Variants in RFX6 observed in about 807,000 individuals in gnomAD.
RFX6 encodes regulatory factor X6.
In RFX6, 50 loss-of-function variants were observed where a neutral mutation model predicts 110.8. The observed-to-expected ratio is 0.45, with a 90% CI of 0.36 to 0.57. RFX6 has a LOEUF of 0.57. RFX6 is among the 20% of genes least tolerant of loss of function. RFX6 has a pLI of 0.00. For missense variants in RFX6, 990 were observed against 1,127.0 expected, an observed-to-expected ratio of 0.88 and a Z score of 1.74; for synonymous variants, 383 against 411.2, an observed-to-expected ratio of 0.93 and a Z score of 0.83.
chr6:116,916,483 ATG>A (rs1489288513), intron 9 of RFX6, among the ~76,000 whole-genome samples, 169 bp downstream of exon 9: 1 of 152,026 alleles, frequency 6.6e-6, no homozygotes, highest in Non-Finnish European at 1.5e-5. Context: ...TTAATAGTGT[ATG>A]TGTTTTAATT....
intron 3 of RFX6, among the ~76,000 whole-genome samples, chr6:116,881,069 A>T (rs901162149): frequency 6.6e-6 from 1 of 152,032 alleles, no homozygotes; most frequent in Non-Finnish European, 1.5e-5. Flanking sequence ...AATAGGTTTT[A>T]AAATGTATTA....
rs967357668 is a variant in RFX6, at chr6:116,931,951, G to C, written c.*445G>C. The C allele has an allele frequency of 5.9e-6, 1 of 168,406 alleles. No homozygotes were observed. Among genetic ancestry groups the C allele is most frequent in the Non-Finnish European group, 1.3e-5 (1 of 77,922 alleles). The allele number at this position is 168,406 out of a possible 1,614,324, so 10.4% of individuals were successfully genotyped here. On this transcript the variant is annotated 3_prime_UTR_variant, in exon 19 of 19. Transcript: ENST00000332958. ...ATTTGACAAAAAGTCAAATGTGTAT[G>C]TTCTACCTCCAACGGAAATGTTTAC...
intron 3 of RFX6, among the ~76,000 whole-genome samples, chr6:116,881,688 G>A (rs985828410): frequency 6.6e-6 from 1 of 152,000 alleles, no homozygotes; most frequent in Non-Finnish European, 1.5e-5. Context: ...ACCATTTTGT[G>A]AGTCTACCTT....
chr6:116,889,663 C>T (rs778833192), intron 4 of RFX6, among the ~76,000 whole-genome samples: 2 of 152,074 alleles, frequency 1.3e-5, no homozygotes, highest in Non-Finnish European at 2.9e-5. Flanking sequence ...GCAAGTCATC[C>T]TGATAGTAAT....
At position 116,922,097 on chromosome 6, in the gene RFX6, T is replaced by C. The variant is rs7764347; in HGVS notation, c.1383T>C (p.Thr461=). 328,939 of 1,561,946 alleles carry C rather than the reference T, an allele frequency of 0.21. 39,564 individuals are homozygous for C. The highest frequency in any genetic ancestry group is 0.41 in the South Asian group (36,626 of 89,526). Residue 461 remains threonine (T), a synonymous_variant, in exon 13 of 19, where the codon ACT becomes ACC. Transcript: ENST00000332958. ...AGGATCTCCTTAAGAAGAATGCCACTGTGGAGGCTTTTATTGAATGGTTGG... is the reference window on the plus strand; with the variant it reads ...AGGATCTCCTTAAGAAGAATGCCACCGTGGAGGCTTTTATTGAATGGTTGG... ...ELKDLLKKNA[T]VEAFIEWLDT...
At position 116,927,443 on chromosome 6, in the gene RFX6, A is replaced by G. The variant is rs200325481; in HGVS notation, c.2302A>G (p.Asn768Asp). 2.4e-5 allele frequency: 39 copies of G among 1,614,100 alleles called. No homozygotes were observed. The East Asian group carries it at 7.6e-4, about 31-fold the overall frequency. ...GPSLQAQDSHNMQFLNTGSFN... is the reference protein window; with the variant it reads ...GPSLQAQDSHDMQFLNTGSFN... The stretch of plus-strand genomic sequence containing the variant: ...ATCCCTGCAAGCCCAGGATTCACAC[A>G]ATATGCAGTTTTTAAATACAGGAAG... The change falls in exon 17 of 19, where the codon AAT becomes GAT. Residue 768 changes from asparagine (N) to aspartate (D), a missense_variant. Coordinates refer to ENST00000332958, the MANE Select transcript of RFX6 (RefSeq NM_173560.4).
chr6:116,879,501 T>C (rs530574923), intron 2 of RFX6, among the ~76,000 whole-genome samples: 2 of 152,006 alleles, frequency 1.3e-5, no homozygotes, highest in Admixed American at 6.5e-5. Context: ...TTTTTGTTCT[T>C]CATTAAAAAA....
chr6:116,902,839 A>C (rs1582521412), intron 6 of RFX6, among the ~76,000 whole-genome samples: 1 of 152,074 alleles, frequency 6.6e-6, no homozygotes, highest in African/African-American at 2.4e-5. Flanking sequence ...GACTGTTATC[A>C]TACTCTCCTT....
At chr6:116,889,785 T>C (rs911228528) in intron 4 of RFX6, among the ~76,000 whole-genome samples, 2 of 152,152 alleles carry the variant, frequency 1.3e-5, no homozygotes, top group African/African-American at 2.4e-5. Flanking sequence ...TGTGGTGATA[T>C]GTTTAAGTAT....
intron 5 of RFX6, 88 bp from the exon 6 acceptor site, chr6:116,895,092 T>C: frequency 1.4e-6 from 1 of 704,314 alleles, no homozygotes; most frequent in Non-Finnish European, 2.6e-6. Flanking sequence ...TGGTATGAAA[T>C]TACTGCTTCT....
rs1160862269 is a variant in RFX6 at position 116,877,957 on chromosome 6, G to A, written c.380+5G>A. On this transcript the variant is annotated splice_donor_5th_base_variant and intron_variant, in intron 2 of 18. Transcript: ENST00000332958. Reference sequence around the variant, plus strand: ...GACACAGCTCACGCTGCAGTGGTGAGACTCGCCCGCAGGGTACACTGAAGC... The same window carrying A: ...GACACAGCTCACGCTGCAGTGGTGAAACTCGCCCGCAGGGTACACTGAAGC... 3 of 1,613,896 alleles carry A rather than the reference G, an allele frequency of 1.9e-6. No individual in the cohort carries two copies. The highest frequency in any genetic ancestry group is 1.3e-5 in the African/African-American group (1 of 75,044).
intron 12 of RFX6, 131 bp downstream of exon 12, chr6:116,920,585 C>CTGA: frequency 2.6e-6 from 2 of 769,464 alleles, no homozygotes; most frequent in South Asian, 1.4e-5. Flanking sequence ...TGACCTTTAC[C>CTGA]CATTAGATGA....
At chr6:116,921,591 G>A (rs186219464) in intron 12 of RFX6, among the ~76,000 whole-genome samples, 2 of 152,050 alleles carry the variant, frequency 1.3e-5, no homozygotes, top group East Asian at 3.9e-4. Flanking sequence ...GCTGAGGTGG[G>A]AAGATTGCTT....
In RFX6 at chr6:116,925,457, G is replaced by T. The variant is rs370780926; in HGVS notation, c.1683G>T (p.Ala561=). The T allele has an allele frequency of 1.2e-6, 2 of 1,613,226 alleles. No individual in the cohort carries two copies. The highest frequency in any genetic ancestry group is 1.7e-6 in the Non-Finnish European group (2 of 1,179,308). Residue 561 remains alanine (A), a synonymous_variant, in exon 16 of 19, where the codon GCG becomes GCT. Transcript: ENST00000332958. Reference sequence around the variant, plus strand: ...CATTTTAAAAACTCTTTCCAGATGCGAGTAAAGCTGCTTTCACTGCTTCTC... The same window carrying T: ...CATTTTAAAAACTCTTTCCAGATGCTAGTAAAGCTGCTTTCACTGCTTCTC... ...LLDKYMKNSD[A]SKAAFTASPS...
Position 116,931,676 on chromosome 6 carries a change from C to T in RFX6, c.*170C>T. On this transcript the variant is annotated 3_prime_UTR_variant, in exon 19 of 19. Transcript: ENST00000332958. ...ACTCCATAGTGAATGGAGATACTTG[C>T]AGAGCTTGTCATGCACACTAAGAGT... The T allele has an allele frequency of 3.4e-6, 2 of 595,444 alleles. No homozygotes were observed. The highest frequency in any genetic ancestry group is 4.1e-5 in the South Asian group (2 of 48,578). The allele number at this position is 595,444 out of a possible 1,614,324, so 36.9% of individuals were successfully genotyped here.
rs1775771424 is a variant in RFX6, at chr6:116,927,476, T to G, written c.2335T>G (p.Phe779Val). 1 of 1,614,078 alleles carries G rather than the reference T, an allele frequency of 6.2e-7. No homozygotes were observed. Among genetic ancestry groups the G allele is most frequent in the Non-Finnish European group, 8.5e-7 (1 of 1,179,994 alleles). Residue 779 changes from phenylalanine (F) to valine (V), a missense_variant, in exon 17 of 19, where the codon TTC becomes GTC. This residue lies in a region of RFX6 where 438 missense variants were observed against 441.9 expected (regional missense o/e 0.99). Coordinates refer to ENST00000332958, the MANE Select transcript of RFX6 (RefSeq NM_173560.4). ...GTTTTTAAATACAGGAAGCTTCAAT[T>G]TCTTGAGCAACACAGGAGCTGCCAG... ...MQFLNTGSFN[F>V]LSNTGAASCQ...
In RFX6 at chr6:116,923,167, A is replaced by T. The variant is rs767787871; in HGVS notation, c.1498A>T (p.Ser500Cys). 13 of 1,609,980 alleles carry T rather than the reference A, an allele frequency of 8.1e-6. No individual in the cohort carries two copies. Among genetic ancestry groups the T allele is most frequent in the Non-Finnish European group, 1.1e-5 (13 of 1,176,456 alleles). ...AGCTCAAGACTTTCTGTTAAAGTGGAGTTTTTTTGGTGCTCGAGTAATGCA... is the reference window on the plus strand; with the variant it reads ...AGCTCAAGACTTTCTGTTAAAGTGGTGTTTTTTTGGTGCTCGAGTAATGCA... Reference protein sequence around the residue: ...KRAQDFLLKWSFFGARVMHNL... With the variant: ...KRAQDFLLKWCFFGARVMHNL... The change falls in exon 14 of 19, where the codon AGT becomes TGT. Residue 500 changes from serine to cysteine, a missense_variant. Around this residue, in one of 5 missense-constraint regions of RFX6, gnomAD observed 89 missense variants for 140.3 expected, o/e 0.63. Transcript: ENST00000332958.
intron 6 of RFX6, among the ~76,000 whole-genome samples, chr6:116,905,259 C>CA (rs1471865897): frequency 6.6e-6 from 1 of 152,094 alleles, no homozygotes; most frequent in Non-Finnish European, 1.5e-5. Context: ...TGTGGTATCT[C>CA]ATTTAGGGTT....
intron 15 of RFX6, 103 bp downstream of exon 15, chr6:116,924,894 G>C: frequency 1.2e-6 from 1 of 829,730 alleles, no homozygotes; most frequent in South Asian, 1.4e-5. Context: ...TAATCTCAGA[G>C]TTTTTCTCCA....
Sources: allele counts gnomAD v4.1 joint callset (sites outside exome capture counted in the v4.1 genomes callset), GRCh38; gene constraint gnomAD v4.1.1; regional missense constraint gnomAD v4.1.1; transcripts MANE v1.5; gene names NCBI Gene and HGNC (gene_info 2026-07-23, HGNC 2026-07-21).